Variants in CSMD2 observed in about 807,000 individuals in gnomAD.
CSMD2 encodes the protein CUB and Sushi multiple domains 2, also known as CUB and sushi domain-containing protein 2.
Under a neutral mutation model 398.5 loss-of-function variants are expected in CSMD2, and 130 were observed. The ratio of observed to expected loss-of-function variants is 0.33; its 90% CI spans 0.28 to 0.38. The LOEUF (loss-of-function observed/expected upper bound fraction) is 0.38. Ranked by LOEUF, CSMD2 falls within the 10% of genes least tolerant of loss-of-function variation. The pLI is 1.00. For missense variants in CSMD2, 3,829 were observed against 4,764.9 expected (o/e 0.80, Z 5.78); for synonymous variants, 1,828 against 1,908.5 (o/e 0.96, Z 1.10).
At chr1:33,728,854 TA>T (rs1413360965) in intron 15 of CSMD2, among the ~76,000 whole-genome samples, 1 of 152,214 alleles carries the variant, frequency 6.6e-6, no homozygotes, top group African/African-American at 2.4e-5. Flanking sequence ...ACTAAATAAT[TA>T]CATAGAGCTA....
intron 5 of CSMD2, among the ~76,000 whole-genome samples, chr1:33,852,073 C>G (rs1324708663): frequency 1.3e-5 from 2 of 152,132 alleles, no homozygotes; most frequent in African/African-American, 4.8e-5. Context: ...TTCCCCCAGT[C>G]GTTTCTGCTC....
intron 2 of CSMD2, among the ~76,000 whole-genome samples, chr1:34,043,335 TCCC>T (rs1558292643): frequency 6.6e-6 from 1 of 152,038 alleles, no homozygotes; most frequent in African/African-American, 2.4e-5. Flanking sequence ...CACCTTACCT[TCCC>T]CCCAACCCTG....
chr1:34,070,095 T>C (rs950038472), intron 2 of CSMD2, among the ~76,000 whole-genome samples: 3 of 152,220 alleles, frequency 2.0e-5, no homozygotes, highest in Non-Finnish European at 4.4e-5. Context: ...AGAAAATCTT[T>C]ACTCTTCTAC....
In CSMD2 at chr1:34,163,848, C is replaced by G. The variant is rs1641587526; in HGVS notation, c.187+1063G>C. 6.6e-6 allele frequency among the ~76,000 whole-genome samples: 1 copy of G among 152,080 alleles called. No individual in the cohort carries two copies. The highest frequency in any genetic ancestry group is 1.5e-5 in the Non-Finnish European group (1 of 68,014). On this transcript the variant is annotated intron_variant, in intron 1 of 70. Coordinates refer to ENST00000373381, the MANE Select transcript of CSMD2 (RefSeq NM_001281956.2). This position sits in a 1 kb window ranked among gnomAD's most constrained non-coding sequence, Gnocchi z 5.4. The stretch of plus-strand genomic sequence containing the variant: ...GCACACGGAACTTTCTAGCTTGTAG[C>G]TAGAACTGAGCTTCGGAGGGGTGCT...
intron 43 of CSMD2, 44 bp from the exon 44 acceptor site, chr1:33,601,054 G>A (rs1640184712): frequency 6.2e-7 from 1 of 1,611,102 alleles, no homozygotes; most frequent in African/African-American, 1.3e-5. Context: ...TAGTCACCAT[G>A]GCTGCCTGCT....
intron 37 of CSMD2, among the ~76,000 whole-genome samples, chr1:33,621,639 C>T (rs889373342): frequency 5.3e-5 from 8 of 152,164 alleles, no homozygotes; most frequent in Non-Finnish European, 1.0e-4. Context: ...TCCCTAGAAA[C>T]CTCTTTCTTT....
chr1:33,820,906 T>A (rs1658066655), intron 7 of CSMD2, among the ~76,000 whole-genome samples: 1 of 152,022 alleles, frequency 6.6e-6, no homozygotes, highest in Non-Finnish European at 1.5e-5. Flanking sequence ...CCACCACGCC[T>A]ATGCTTCAGA....
At chr1:33,941,281 G>A (rs1197906552) in intron 3 of CSMD2, among the ~76,000 whole-genome samples, 1 of 152,222 alleles carries the variant, frequency 6.6e-6, no homozygotes, top group Non-Finnish European at 1.5e-5. Flanking sequence ...TGCAGCAAAA[G>A]CTACATCATG....
At chr1:34,147,878 A>G (rs1316775749) in intron 1 of CSMD2, among the ~76,000 whole-genome samples, 1 of 152,126 alleles carries the variant, frequency 6.6e-6, no homozygotes, top group Non-Finnish European at 1.5e-5. Flanking sequence ...CAACTTTTCT[A>G]TGAAGTAGGA....
At position 33,698,763 on chromosome 1, in the gene CSMD2, G is replaced by A. The variant is rs752997751; in HGVS notation, c.3915C>T (p.Pro1305=). ...GAAGAGCCCTCCTACCGACACAGGT[G>A]GGCAGAGGCCGGTCCCAGGTCCGGC... ...GERRTWDRPL[P]TCVAECGGTV... is the part of the protein sequence containing the mutation. The change falls in exon 24 of 71, where the codon CCC becomes CCT. Residue 1305 remains proline, a synonymous_variant. Coordinates refer to ENST00000373381, the MANE Select transcript of CSMD2 (RefSeq NM_001281956.2). 1.9e-6 allele frequency: 3 copies of A among 1,612,552 alleles called. No homozygotes were observed. The highest frequency in any genetic ancestry group is 2.5e-6 in the Non-Finnish European group (3 of 1,179,178).
At chr1:33,740,121 G>T (rs576052441) in intron 14 of CSMD2, among the ~76,000 whole-genome samples, 3 of 152,286 alleles carry the variant, frequency 2.0e-5, no homozygotes, top group East Asian at 3.9e-4. Flanking sequence ...AGTGGCAATT[G>T]TTCGGTGCGG....
chr1:33,915,716 G>C (rs1643686971), intron 5 of CSMD2, among the ~76,000 whole-genome samples: 1 of 152,194 alleles, frequency 6.6e-6, no homozygotes, highest in Admixed American at 6.5e-5. Flanking sequence ...TATTCGTCTT[G>C]GCACCTGTTT....
chr1:33,898,734 G>A (rs1471677806), intron 5 of CSMD2, among the ~76,000 whole-genome samples: 1 of 152,164 alleles, frequency 6.6e-6, no homozygotes, highest in Non-Finnish European at 1.5e-5. Flanking sequence ...AAGCTTAGGA[G>A]GGCACTGTTG....
intron 10 of CSMD2, among the ~76,000 whole-genome samples, chr1:33,809,406 T>A (rs1337918940): frequency 6.6e-6 from 1 of 151,994 alleles, no homozygotes; most frequent in Non-Finnish European, 1.5e-5. Context: ...AGGAGAAAAA[T>A]TATATGATTG....
intron 3 of CSMD2, among the ~76,000 whole-genome samples, chr1:34,008,568 A>C (rs1280519212): frequency 3.4e-4 from 51 of 152,208 alleles, no homozygotes; most frequent in Admixed American, 3.3e-3. Context: ...GGGCTCTATC[A>C]TGATGCTGTT....
chr1:33,606,873 C>T (rs1640649054), intron 41 of CSMD2, among the ~76,000 whole-genome samples: 1 of 152,190 alleles, frequency 6.6e-6, no homozygotes, highest in African/African-American at 2.4e-5. Flanking sequence ...ACCTCAGAGC[C>T]TGTTCCCCTG....
chr1:33,944,211 T>C (rs539383673), intron 3 of CSMD2, among the ~76,000 whole-genome samples: 15 of 151,660 alleles, frequency 9.9e-5, no homozygotes, highest in Non-Finnish European at 2.2e-4. Context: ...GTGAGGCATA[T>C]GATTCATATC....
At chr1:34,118,680 G>A (rs1435955633) in intron 1 of CSMD2, among the ~76,000 whole-genome samples, 1 of 152,046 alleles carries the variant, frequency 6.6e-6, no homozygotes, top group Non-Finnish European at 1.5e-5. Context: ...ATTTACAATG[G>A]CATCAAAAGG....
chr1:33,896,119 C>G (rs955733075), intron 5 of CSMD2, among the ~76,000 whole-genome samples: 5 of 152,132 alleles, frequency 3.3e-5, no homozygotes, highest in African/African-American at 1.2e-4. Flanking sequence ...GAGCACATAT[C>G]AGGGGACTGA....
Sources: allele counts gnomAD v4.1 joint callset (sites outside exome capture counted in the v4.1 genomes callset), GRCh38; gene constraint gnomAD v4.1.1; non-coding constraint Gnocchi (gnomAD v3.1); transcripts MANE v1.5; gene names NCBI Gene and HGNC (gene_info 2026-07-23, HGNC 2026-07-21).